The following SCN3B variants were observed in gnomAD, a reference collection of about 807,000 sequenced individuals.
SCN3B encodes the protein sodium voltage-gated channel beta subunit 3.
In SCN3B, 11 loss-of-function variants were observed where a neutral mutation model predicts 25.4. That is an observed-to-expected ratio of 0.43 (90% CI 0.27 to 0.72). The LOEUF (loss-of-function observed/expected upper bound fraction) is 0.72. Among genes scored for constraint, SCN3B ranks in the 30% least tolerant of loss-of-function variants. The pLI, the probability that SCN3B is intolerant of heterozygous loss-of-function variation, is 0.18. For synonymous variants in SCN3B, 109 were observed against 110.7 expected, an observed-to-expected ratio of 0.99 and a Z score of 0.09; for missense variants, 218 against 278.3, an observed-to-expected ratio of 0.78 and a Z score of 1.54.
intron 5 of SCN3B, among the ~76,000 whole-genome samples, chr11:123,634,513 G>A (rs763950218): frequency 2.4e-4 from 36 of 152,198 alleles, no homozygotes; most frequent in Non-Finnish European, 4.7e-4. Flanking sequence ...GGCCAAGGCA[G>A]GAAAATTGCT....
chr11:123,645,695 C>T lies in SCN3B; in HGVS notation c.111G>A (p.Gln37=), dbSNP rs2137247053. 1 of 1,614,210 alleles carries T rather than the reference C, an allele frequency of 6.2e-7. No individual in the cohort carries two copies. Among genetic ancestry groups the T allele is most frequent in the Non-Finnish European group, 8.5e-7 (1 of 1,180,038 alleles). Residue 37 remains glutamine, a synonymous_variant, in exon 3 of 7, where the codon CAG becomes CAA. Transcript: ENST00000299333. ...TGCAGCGCAGCTTCATGGGGTTGCC[C>T]TGCACGGCCTCCGTCTCCGAGGGCA... is the stretch of plus-strand genomic sequence containing the variant. ...VEVPSETEAV[Q]GNPMKLRCIS... is the part of the protein sequence containing the mutation.
intron 5 of SCN3B, among the ~76,000 whole-genome samples, chr11:123,636,025 A>G (rs1294488664): frequency 2.6e-5 from 4 of 152,218 alleles, no homozygotes; most frequent in East Asian, 3.9e-4. Context: ...TTGAAGATCA[A>G]TTTGGGAGAA....
At chr11:123,645,244 T>C (rs561866995) in intron 3 of SCN3B, among the ~76,000 whole-genome samples, 3 of 152,180 alleles carry the variant, frequency 2.0e-5, no homozygotes, top group Non-Finnish European at 2.9e-5. Context: ...CCAATTTCTT[T>C]ATGAATTTAA....
At chr11:123,649,994 G>A (rs1955905662) in intron 2 of SCN3B, among the ~76,000 whole-genome samples, 1 of 152,156 alleles carries the variant, frequency 6.6e-6, no homozygotes, top group African/African-American at 2.4e-5. Flanking sequence ...ATGAGCCACA[G>A]CACCCAGTCC....
chr11:123,632,791 CA>C lies in SCN3B; in HGVS notation c.*1007del. 1 of 151,624 alleles carries C rather than the reference CA, an allele frequency of 6.6e-6. No homozygotes were observed. Among genetic ancestry groups the C allele is most frequent in the Non-Finnish European group, 1.5e-5 (1 of 67,980 alleles). The allele number at this position is 151,624 out of a possible 1,614,324, so 9.4% of individuals were successfully genotyped here. On this transcript the variant is annotated 3_prime_UTR_variant, in exon 7 of 7. Coordinates refer to ENST00000299333, the MANE Select transcript of SCN3B (RefSeq NM_001040151.2). ...TGACAGAGTGAGACTCCATCTCAAA[CA>C]AAAAAAACAAAAAACAAAACAAACA... is the stretch of plus-strand genomic sequence containing the variant.
intron 3 of SCN3B, among the ~76,000 whole-genome samples, chr11:123,644,800 A>AGAGAATATATAT (rs1272015067): frequency 8.8e-5 from 4 of 45,590 alleles, no homozygotes; most frequent in African/African-American, 2.3e-4. Context: ...AGAGAGAGAG[A>AGAGAATATATAT]ATATATATAT....
chr11:123,653,080 A>G (rs2137256645), intron 2 of SCN3B, among the ~76,000 whole-genome samples: 1 of 152,220 alleles, frequency 6.6e-6, no homozygotes, highest in South Asian at 2.1e-4. Flanking sequence ...CTTTGAAGGC[A>G]AAAACCCAGC....
At chr11:123,644,800 A>AGAGAGAAT (rs1272015067) in intron 3 of SCN3B, among the ~76,000 whole-genome samples, 14 of 45,580 alleles carry the variant, frequency 3.1e-4, no homozygotes, top group African/African-American at 8.5e-4. Flanking sequence ...AGAGAGAGAG[A>AGAGAGAAT]ATATATATAT....
intron 2 of SCN3B, among the ~76,000 whole-genome samples, chr11:123,653,169 A>G (rs1955946735): frequency 6.6e-6 from 1 of 152,100 alleles, no homozygotes; most frequent in Admixed American, 6.5e-5. Context: ...AAAGAAGAAG[A>G]AGAAAAAGAA....
Position 123,642,117 on chromosome 11 carries a change from A to G in SCN3B, c.445+329T>C, listed in dbSNP as rs1955798867. Among the ~76,000 whole-genome samples, 1 of 152,202 alleles carries G rather than the reference A, an allele frequency of 6.6e-6. No individual in the cohort carries two copies. Among genetic ancestry groups the G allele is most frequent in the African/African-American group, 2.4e-5 (1 of 41,450 alleles). Reference sequence around the variant, plus strand: ...GAGCCCACTGAGTCAGGGATTCAACATAGGCCAAAGAAGAAGGCCTAGCTG... The same window carrying G: ...GAGCCCACTGAGTCAGGGATTCAACGTAGGCCAAAGAAGAAGGCCTAGCTG... On this transcript the variant is annotated intron_variant, in intron 4 of 6. Coordinates refer to ENST00000299333, the MANE Select transcript of SCN3B (RefSeq NM_001040151.2). The surrounding 1 kb of genome is among the most constrained non-coding windows in gnomAD (Gnocchi z 4.3).
Position 123,637,093 on chromosome 11 carries a change from C to T in SCN3B, c.584+1093G>A, listed in dbSNP as rs80171287. ...CTAGAAATCTGTGGGTTTTTTCTATCTTTCCTTTCCCCAGACAACCAGCCA... is the reference window on the plus strand; with the variant it reads ...CTAGAAATCTGTGGGTTTTTTCTATTTTTCCTTTCCCCAGACAACCAGCCA... On this transcript the variant is annotated intron_variant, in intron 5 of 6. Transcript: ENST00000299333. Among the ~76,000 whole-genome samples the T allele has an allele frequency of 7.5e-3, 1,141 of 152,248 alleles. 7 individuals are homozygous for T. Among genetic ancestry groups the T allele is most frequent in the Middle Eastern group, 0.034 (10 of 294 alleles).
At chr11:123,634,267 G>T in intron 5 of SCN3B, 61 bp from the exon 6 acceptor site, 1 of 1,368,154 alleles carries the variant, frequency 7.3e-7, no homozygotes, top group Non-Finnish European at 1.0e-6. Context: ...AACACAAGAT[G>T]GGGAAGGAGC....
chr11:123,651,394 C>T (rs906855088), intron 2 of SCN3B, among the ~76,000 whole-genome samples: 14 of 151,732 alleles, frequency 9.2e-5, no homozygotes, highest in Non-Finnish European at 1.5e-4. Flanking sequence ...GATGGAGTCT[C>T]GCCCTGTTGC....
At chr11:123,649,622 C>G (rs895554186) in intron 2 of SCN3B, among the ~76,000 whole-genome samples, 2 of 147,932 alleles carry the variant, frequency 1.4e-5, no homozygotes, top group African/African-American at 5.1e-5. Context: ...TCTTTTCTTT[C>G]TTTTTTCTTT....
At chr11:123,638,102 G>A (rs1955749684) in intron 5 of SCN3B, 84 bp downstream of exon 5, 2 of 1,521,948 alleles carry the variant, frequency 1.3e-6, no homozygotes, top group Non-Finnish European at 1.8e-6. Flanking sequence ...GAGGATGAAT[G>A]TAAACTGCTT....
At position 123,642,484 on chromosome 11, in the gene SCN3B, T is replaced by C. The variant is rs1445384345; in HGVS notation, c.407A>G (p.Lys136Arg). 9.3e-6 allele frequency: 15 copies of C among 1,614,058 alleles called. No individual in the cohort carries two copies. The highest frequency in any genetic ancestry group is 1.3e-5 in the Non-Finnish European group (15 of 1,180,032). ...FEFEAHRPFV[K>R]TTRLIPLRVT... ...TCTTAGGGGGATCAGCCGCGTCGTC[T>C]TCACAAAGGGCCGATGCGCCTCAAA... The change falls in exon 4 of 7, where the codon AAG (lysine) becomes AGG (arginine). Residue 136 changes from lysine to arginine, a missense_variant. By Grantham distance (26) the Lys-to-Arg change is conservative. Coordinates refer to ENST00000299333, the MANE Select transcript of SCN3B (RefSeq NM_001040151.2). The surrounding 1 kb of genome is among the most constrained non-coding windows in gnomAD (Gnocchi z 4.3).
chr11:123,637,994 G>A (rs1015835430), intron 5 of SCN3B, among the ~76,000 whole-genome samples, 192 bp downstream of exon 5: 1 of 152,140 alleles, frequency 6.6e-6, no homozygotes, highest in African/African-American at 2.4e-5. Flanking sequence ...TGAATTAAGA[G>A]TTTGCCTTAA....
chr11:123,644,783 G>C (rs2137244937), intron 3 of SCN3B, among the ~76,000 whole-genome samples: 1 of 95,424 alleles, frequency 1.0e-5, no homozygotes, highest in East Asian at 2.8e-4. Flanking sequence ...GAGAGAGAGA[G>C]AGAGAGAGAG....
Position 123,632,721 on chromosome 11 carries a change from G to C in SCN3B, c.*1078C>G, listed in dbSNP as rs1955686072. Reference sequence around the variant, plus strand: ...GAGAATTGCTTGAACCCAAGAGGCAGAGGTTGCAGTGAGCCGAGATCACAC... The same window carrying C: ...GAGAATTGCTTGAACCCAAGAGGCACAGGTTGCAGTGAGCCGAGATCACAC... On this transcript the variant is annotated 3_prime_UTR_variant, in exon 7 of 7. Coordinates refer to ENST00000299333, the MANE Select transcript of SCN3B (RefSeq NM_001040151.2). 6.6e-6 allele frequency: 1 copy of C among 152,046 alleles called. No individual in the cohort carries two copies. The highest frequency in any genetic ancestry group is 1.5e-5 in the Non-Finnish European group (1 of 68,080). 9.4% of individuals were successfully genotyped at this position (152,046 alleles called of 1,614,324 possible). A position where few individuals can be genotyped will look rare whatever the true frequency, so the allele number is the denominator to read the frequency against.
Sources: gnomAD v4.1 joint callset for allele counts (sites outside exome capture counted in the v4.1 genomes callset) on GRCh38, gnomAD v4.1.1 for gene constraint, Gnocchi (gnomAD v3.1) non-coding constraint, MANE v1.5 for transcripts, NCBI Gene and HGNC (gene_info 2026-07-23, HGNC 2026-07-21) for gene names.